MYO16: variants seen among roughly 807,000 people sequenced by gnomAD.
The protein encoded by MYO16 is unconventional myosin-XVI.
Under a neutral mutation model 205.3 loss-of-function variants are expected in MYO16, and 94 were observed. That is an observed-to-expected ratio of 0.46 (90% CI 0.39 to 0.54). MYO16 has a LOEUF of 0.54. MYO16 is among the 20% of genes least tolerant of loss of function. The probability of loss-of-function intolerance (pLI) is 0.00; values close to 1 mark genes in which losing one functional copy is unlikely to be tolerated. For synonymous variants in MYO16, 988 were observed against 954.0 expected (o/e 1.04, Z -0.66); for missense variants, 2,315 against 2,387.5 (o/e 0.97, Z 0.63).
chr13:109,018,651 G>A (rs1157173306), intron 22 of MYO16, among the ~76,000 whole-genome samples: 1 of 152,200 alleles, frequency 6.6e-6, no homozygotes, highest in Non-Finnish European at 1.5e-5. Flanking sequence ...ATCTCCTGGT[G>A]TGCCATTTGC....
intron 4 of MYO16, among the ~76,000 whole-genome samples, chr13:108,754,519 T>A (rs1037742245): frequency 6.6e-6 from 1 of 151,996 alleles, no homozygotes; most frequent in Non-Finnish European, 1.5e-5. Context: ...TTTTGGCGTG[T>A]GTGTGTGTGT....
rs1880494164 is a variant in MYO16 at position 108,641,339 on chromosome 13, T to C, written c.28+11467T>C. ...TCAGGGTCTTCTGAATAAGGAAAGA[T>C]GAAAGAGACTTGAGTTATTGATTAT... On this transcript the variant is annotated intron_variant, in intron 1 of 34. Coordinates refer to ENST00000457511, the MANE Select transcript of MYO16 (RefSeq NM_001198950.3). Among the ~76,000 whole-genome samples the C allele has an allele frequency of 2.0e-5, 3 of 152,128 alleles. No individual in the cohort carries two copies. In the South Asian group the frequency reaches 6.2e-4, roughly 32 times the overall value.
chr13:108,673,367 T>A (rs983837104), intron 2 of MYO16, among the ~76,000 whole-genome samples: 25 of 101,486 alleles, frequency 2.5e-4, no homozygotes, highest in African/African-American at 1.3e-3. Context: ...TCTTCTTCCT[T>A]TTTTTTTTTT....
chr13:108,716,238 G>A (rs1883940341), intron 3 of MYO16, among the ~76,000 whole-genome samples: 1 of 152,186 alleles, frequency 6.6e-6, no homozygotes, highest in African/African-American at 2.4e-5. Flanking sequence ...CTAGGTAACA[G>A]TATACAGAGT....
chr13:109,071,187 T>C (rs1887913943), intron 27 of MYO16, among the ~76,000 whole-genome samples: 3 of 152,234 alleles, frequency 2.0e-5, no homozygotes, highest in African/African-American at 7.2e-5. Context: ...AAAAGGATGA[T>C]GACAATATTT....
intron 13 of MYO16, among the ~76,000 whole-genome samples, chr13:108,885,563 G>C (rs1044329889): frequency 1.3e-5 from 2 of 152,172 alleles, no homozygotes; most frequent in Non-Finnish European, 2.9e-5. Context: ...TTTAAAAGTT[G>C]CTTAGAAAAA....
At chr13:108,546,816 AT>A in the MYO16 span, among the ~76,000 whole-genome samples, 1 of 152,152 alleles carries the variant, frequency 6.6e-6, no homozygotes, top group Non-Finnish European at 1.5e-5. Context: ...AAATAATAAC[AT>A]TTTGTATTTG....
At chr13:108,550,335 C>G in the MYO16 span, among the ~76,000 whole-genome samples, 1 of 152,234 alleles carries the variant, frequency 6.6e-6, no homozygotes, top group Admixed American at 6.5e-5. Flanking sequence ...ACTTGAATAT[C>G]ACTTGTGGGT....
Position 108,844,628 on chromosome 13 carries a change from C to T in MYO16, c.1248+135C>T, listed in dbSNP as rs373479532. Reference sequence around the variant, plus strand: ...AATTAATGCATAGATTAATATTTTGCTTGCAGTTTTCATAAACAATTAGTG... The same window carrying T: ...AATTAATGCATAGATTAATATTTTGTTTGCAGTTTTCATAAACAATTAGTG... On this transcript the variant is annotated intron_variant, in intron 10 of 34. Transcript: ENST00000457511. 4.0e-5 allele frequency: 36 copies of T among 900,028 alleles called. No homozygotes were observed. The African/African-American group carries it at 5.2e-4, about 13-fold the overall frequency. The allele number at this position is 900,028 out of a possible 1,614,324, so 55.8% of individuals were successfully genotyped here.
intron 1 of MYO16, among the ~76,000 whole-genome samples, chr13:108,640,897 G>A (rs1404880363): frequency 1.3e-5 from 2 of 152,178 alleles, no homozygotes; most frequent in African/African-American, 4.8e-5. Context: ...CAACATCATG[G>A]TTTAAGAGTG....
intron 1 of MYO16, among the ~76,000 whole-genome samples, chr13:108,653,694 T>C (rs1393209697): frequency 2.0e-5 from 3 of 151,920 alleles, no homozygotes; most frequent in South Asian, 4.1e-4. Flanking sequence ...TATTAAAATA[T>C]ATTCTTCCCC....
chr13:108,850,874 A>G (rs1389810818), intron 10 of MYO16, among the ~76,000 whole-genome samples: 1 of 152,174 alleles, frequency 6.6e-6, no homozygotes, highest in Non-Finnish European at 1.5e-5. Flanking sequence ...TCAGCCTAGT[A>G]CTTTCTCTGA....
chr13:108,503,781 C>A, the MYO16 span, among the ~76,000 whole-genome samples: 1 of 151,950 alleles, frequency 6.6e-6, no homozygotes, highest in Non-Finnish European at 1.5e-5. Flanking sequence ...ACTTTTTAAA[C>A]CTTTAAAACA....
intron 20 of MYO16, among the ~76,000 whole-genome samples, chr13:108,987,586 G>A (rs1884685681): frequency 6.6e-6 from 1 of 152,214 alleles, no homozygotes; most frequent in Non-Finnish European, 1.5e-5. Context: ...TCTGGCACTA[G>A]CCTCTATGTA....
chr13:108,695,538 C>A (rs1272723955), intron 2 of MYO16, among the ~76,000 whole-genome samples: 1 of 149,030 alleles, frequency 6.7e-6, no homozygotes, highest in Admixed American at 6.9e-5. Flanking sequence ...ATTTTAGGGT[C>A]AGCTTTTTAA....
intron 4 of MYO16, among the ~76,000 whole-genome samples, chr13:108,741,564 CTGTGAA>C (rs2139614667): frequency 6.6e-6 from 1 of 152,282 alleles, no homozygotes; most frequent in African/African-American, 2.4e-5. Context: ...TTGATCTCAG[CTGTGAA>C]TGTGAACCCT....
intron 21 of MYO16, 34 bp downstream of exon 21, chr13:108,992,482 T>C: frequency 7.4e-7 from 1 of 1,350,544 alleles, no homozygotes; most frequent in Non-Finnish European, 1.1e-6. Context: ...TGTGTGAACT[T>C]GAATGGCTTT....
rs1256500763 is a variant in MYO16 at position 109,019,773 on chromosome 13, A to C, written c.2658A>C (p.Ser886=). 1 of 1,614,146 alleles carries C rather than the reference A, an allele frequency of 6.2e-7. No homozygotes were observed. Among genetic ancestry groups the C allele is most frequent in the South Asian group, 1.1e-5 (1 of 91,082 alleles). ...EESQMIWSVE[S]NFPKKLQSLL... is the part of the protein sequence containing the mutation. Reference sequence around the variant, plus strand: ...GTCAAATGATTTGGTCAGTGGAATCAAATTTTCCAAAAAAACTACAAAGTC... The same window carrying C: ...GTCAAATGATTTGGTCAGTGGAATCCAATTTTCCAAAAAAACTACAAAGTC... Residue 886 remains serine (S), a synonymous_variant, in exon 23 of 35, where the codon TCA becomes TCC. Coordinates refer to ENST00000457511, the MANE Select transcript of MYO16 (RefSeq NM_001198950.3).
At chr13:109,179,472 G>A (rs552043393) in intron 33 of MYO16, 70 bp from the exon 34 acceptor site, 6 of 897,492 alleles carry the variant, frequency 6.7e-6, no homozygotes, top group African/African-American at 6.5e-5. Flanking sequence ...TTATTGTAAT[G>A]AGTGCATGAC....
Sources: allele counts gnomAD v4.1 joint callset (sites outside exome capture counted in the v4.1 genomes callset), GRCh38; gene constraint gnomAD v4.1.1; transcripts MANE v1.5; gene names NCBI Gene and HGNC (gene_info 2026-07-23, HGNC 2026-07-21).